CABCOCO1: variants seen among roughly 807,000 people sequenced by gnomAD.
CABCOCO1 encodes the protein ciliary-associated calcium-binding coiled-coil protein 1.
Under a neutral mutation model 35.7 loss-of-function variants are expected in CABCOCO1, and 28 were observed. That is an observed-to-expected ratio of 0.78 (90% CI 0.58 to 1.07). The LOEUF (loss-of-function observed/expected upper bound fraction) is 1.07, where lower values mean the gene tolerates loss of function less well. Among genes scored for constraint, CABCOCO1 ranks in the 50% least tolerant of loss-of-function variants. The pLI, the probability that CABCOCO1 is intolerant of heterozygous loss-of-function variation, is 0.00. For synonymous variants in CABCOCO1, 95 were observed against 100.1 expected (o/e 0.95, Z 0.30); for missense variants, 326 against 309.2 (o/e 1.05, Z -0.41).
intron 5 of CABCOCO1, among the ~76,000 whole-genome samples, chr10:61,715,458 CTT>C (rs1315784353): frequency 6.6e-6 from 1 of 152,136 alleles, no homozygotes; most frequent in African/African-American, 2.4e-5. Context: ...GGTCTTGACT[CTT>C]TATCCAATCT....
chr10:61,747,149 G>A (rs1006300806), intron 5 of CABCOCO1, among the ~76,000 whole-genome samples: 1 of 152,194 alleles, frequency 6.6e-6, no homozygotes, highest in South Asian at 2.1e-4. Context: ...TTGTATTTCT[G>A]TGTCTAAAAC....
At chr10:61,717,304 A>C (rs1047029905) in intron 5 of CABCOCO1, among the ~76,000 whole-genome samples, 1 of 152,184 alleles carries the variant, frequency 6.6e-6, no homozygotes, top group African/African-American at 2.4e-5. Flanking sequence ...GACTTAATCT[A>C]TTCATTTCAT....
chr10:61,740,784 A>C (rs1026310368), intron 5 of CABCOCO1, among the ~76,000 whole-genome samples: 3 of 152,236 alleles, frequency 2.0e-5, no homozygotes, highest in Non-Finnish European at 2.9e-5. Flanking sequence ...AATGAAATCA[A>C]TAGAAATTAA....
At chr10:61,761,964 G>A (rs1407084303) in intron 7 of CABCOCO1, among the ~76,000 whole-genome samples, 1 of 152,084 alleles carries the variant, frequency 6.6e-6, no homozygotes, top group African/African-American at 2.4e-5. Flanking sequence ...GGGGTGTTTA[G>A]TGTTTACCAG....
intron 5 of CABCOCO1, among the ~76,000 whole-genome samples, chr10:61,744,453 T>G (rs1005965486): frequency 6.6e-6 from 1 of 152,154 alleles, no homozygotes; most frequent in Admixed American, 6.6e-5. Flanking sequence ...ATTACTACCC[T>G]GTAATTTACA....
At chr10:61,691,307 T>C (rs1254487686) in intron 5 of CABCOCO1, among the ~76,000 whole-genome samples, 2 of 152,268 alleles carry the variant, frequency 1.3e-5, no homozygotes, top group Non-Finnish European at 2.9e-5. Flanking sequence ...CTACAGCATA[T>C]AGTATAATGT....
At chr10:61,672,220 G>A (rs542670652) in intron 1 of CABCOCO1, among the ~76,000 whole-genome samples, 3 of 152,078 alleles carry the variant, frequency 2.0e-5, no homozygotes, top group Non-Finnish European at 2.9e-5. Flanking sequence ...ACTGAATGCC[G>A]CATGTATTAT....
chr10:61,708,373 G>A (rs547256086), intron 5 of CABCOCO1, among the ~76,000 whole-genome samples: 1 of 152,114 alleles, frequency 6.6e-6, no homozygotes, highest in South Asian at 2.1e-4. Context: ...GTTTGCAGTA[G>A]GTTCCTCCTC....
chr10:61,693,709 T>C (rs577333722), intron 5 of CABCOCO1, among the ~76,000 whole-genome samples: 2 of 152,056 alleles, frequency 1.3e-5, no homozygotes, highest in Non-Finnish European at 2.9e-5. Flanking sequence ...AACTGGCTGG[T>C]CTTTTGGTCA....
Position 61,766,052 on chromosome 10 carries a change from A to C in CABCOCO1, c.*39A>C. On this transcript the variant is annotated 3_prime_UTR_variant, in exon 8 of 8. Transcript: ENST00000648843. ...GGAGAGTGATGCTAAACTTCACAGAAACAAACAAAACCAGCCAGAATAACA... is the reference window on the plus strand; with the variant it reads ...GGAGAGTGATGCTAAACTTCACAGACACAAACAAAACCAGCCAGAATAACA... The C allele has an allele frequency of 6.4e-7, 1 of 1,551,306 alleles. No individual in the cohort carries two copies. Among genetic ancestry groups the C allele is most frequent in the Non-Finnish European group, 8.9e-7 (1 of 1,128,066 alleles).
intron 5 of CABCOCO1, among the ~76,000 whole-genome samples, chr10:61,723,941 G>T (rs1456622703): frequency 2.6e-5 from 4 of 152,150 alleles, no homozygotes; most frequent in Non-Finnish European, 5.9e-5. Flanking sequence ...CAGAGAATCG[G>T]TTGAAAATTC....
At position 61,665,170 on chromosome 10, in the gene CABCOCO1, C is replaced by T. The variant is rs546348970; in HGVS notation, c.60+2138C>T. ...GTAATTATCCCAATAACATAGTAGG[C>T]ACTCAATAAATTATGATGACTAATT... On this transcript the variant is annotated intron_variant, in intron 1 of 7. Transcript: ENST00000648843. Among the ~76,000 whole-genome samples, 3 of 152,294 alleles carry T rather than the reference C, an allele frequency of 2.0e-5. No individual in the cohort carries two copies. The East Asian group carries it at 5.8e-4, about 29-fold the overall frequency.
chr10:61,678,687 G>A (rs1202946066), intron 2 of CABCOCO1, among the ~76,000 whole-genome samples: 12 of 152,078 alleles, frequency 7.9e-5, no homozygotes, highest in Admixed American at 7.9e-4. Context: ...ACTGGCGGTA[G>A]CAACTAAAGC....
rs1348589729 is a variant in CABCOCO1, at chr10:61,760,944, A to AT, written c.759dup (p.Glu254Ter). 1.2e-6 allele frequency: 2 copies of AT among 1,612,760 alleles called. No homozygotes were observed. Among genetic ancestry groups the AT allele is most frequent in the Admixed American group, 3.3e-5 (2 of 59,874 alleles). ...CATGGATCCTTTAGTTGGTTTTACC[A>AT]TTGAAGATGTAAAATCAGTGCTGGA... On this transcript the variant is annotated frameshift_variant, in exon 7 of 8. Transcript: ENST00000648843. LOFTEE classifies it high-confidence loss of function.
intron 3 of CABCOCO1, among the ~76,000 whole-genome samples, chr10:61,683,649 A>G (rs1839867601): frequency 6.6e-6 from 1 of 152,238 alleles, no homozygotes; most frequent in Non-Finnish European, 1.5e-5. Flanking sequence ...TTTTCCAATT[A>G]ATTATAAGTC....
In CABCOCO1 at chr10:61,686,191, G is replaced by C. The variant is rs559772025; in HGVS notation, c.479+6G>C. 1 of 1,540,696 alleles carries C rather than the reference G, an allele frequency of 6.5e-7. No homozygotes were observed. Among genetic ancestry groups the C allele is most frequent in the African/African-American group, 1.4e-5 (1 of 70,514 alleles). ...ATTGATTACTTAAAAATCAGGTATG[G>C]ATTATTTTCAGTAACATTTATTTTT... On this transcript the variant is annotated splice_donor_region_variant and intron_variant, in intron 4 of 7. Coordinates refer to ENST00000648843, the MANE Select transcript of CABCOCO1 (RefSeq NM_001366906.2).
intron 1 of CABCOCO1, among the ~76,000 whole-genome samples, chr10:61,667,815 G>C (rs1170215111): frequency 6.6e-6 from 1 of 151,680 alleles, no homozygotes; most frequent in Admixed American, 6.6e-5. Flanking sequence ...CCTCAAATAA[G>C]AATTTTCAAA....
At chr10:61,730,930 A>T (rs967504705) in intron 5 of CABCOCO1, among the ~76,000 whole-genome samples, 3 of 151,832 alleles carry the variant, frequency 2.0e-5, no homozygotes, top group Admixed American at 6.6e-5. Flanking sequence ...GGTCAAGAAA[A>T]ATAAGGAAAG....
At chr10:61,679,307 A>G (rs187596760) in intron 2 of CABCOCO1, among the ~76,000 whole-genome samples, 13 of 126,330 alleles carry the variant, frequency 1.0e-4, no homozygotes, top group African/African-American at 3.4e-4. Flanking sequence ...ATCTATATCT[A>G]TATCTATATC....
Sources: gnomAD v4.1 joint callset for allele counts (sites outside exome capture counted in the v4.1 genomes callset) on GRCh38, gnomAD v4.1.1 for gene constraint, MANE v1.5 for transcripts, NCBI Gene and HGNC (gene_info 2026-07-23, HGNC 2026-07-21) for gene names.